Variants in PTPRE observed in about 807,000 individuals in gnomAD.
PTPRE encodes protein tyrosine phosphatase receptor type E.
Under a neutral mutation model 102.0 loss-of-function variants are expected in PTPRE, and 51 were observed. That is an observed-to-expected ratio of 0.50 (90% CI 0.40 to 0.63). The LOEUF (loss-of-function observed/expected upper bound fraction) is 0.63, where lower values mean the gene tolerates loss of function less well. Ranked by LOEUF, PTPRE falls within the 30% of genes least tolerant of loss-of-function variation. The pLI is 0.00. For synonymous variants in PTPRE, 345 were observed against 348.2 expected, an observed-to-expected ratio of 0.99 and a Z score of 0.10; for missense variants, 752 against 915.1, an observed-to-expected ratio of 0.82 and a Z score of 2.30.
intron 2 of PTPRE, among the ~76,000 whole-genome samples, chr10:128,029,583 A>T (rs1846557480): frequency 6.6e-6 from 1 of 152,232 alleles, no homozygotes; most frequent in Admixed American, 6.5e-5. Context: ...GCACTGCTGA[A>T]GGCCCGTGGG....
chr10:128,067,063 CACACGT>C (rs1850200362), intron 11 of PTPRE, among the ~76,000 whole-genome samples: 1 of 151,684 alleles, frequency 6.6e-6, no homozygotes, highest in Non-Finnish European at 1.5e-5. Flanking sequence ...CATGCACATG[CACACGT>C]ACACCCACAC....
intron 1 of PTPRE, among the ~76,000 whole-genome samples, chr10:127,940,418 G>A (rs1848158646): frequency 6.6e-6 from 1 of 152,124 alleles, no homozygotes; most frequent in Non-Finnish European, 1.5e-5. Context: ...CTTCCTGATG[G>A]ACCACACCTG....
At chr10:127,917,552 GTC>G (rs1846297335) in intron 1 of PTPRE, among the ~76,000 whole-genome samples, 1 of 152,158 alleles carries the variant, frequency 6.6e-6, no homozygotes, top group South Asian at 2.1e-4. Flanking sequence ...CATGCCTGTA[GTC>G]CCAGTTGCTC....
intron 1 of PTPRE, among the ~76,000 whole-genome samples, chr10:127,943,634 G>A (rs1274046833): frequency 6.6e-6 from 1 of 152,230 alleles, no homozygotes; most frequent in African/African-American, 2.4e-5. Flanking sequence ...ATGCGCAGGA[G>A]GCTTCCAGGG....
At chr10:127,909,824 C>T (rs1043801219) in intron 1 of PTPRE, among the ~76,000 whole-genome samples, 22 of 152,154 alleles carry the variant, frequency 1.4e-4, no homozygotes, top group African/African-American at 5.1e-4. Flanking sequence ...GTGTCTGTTG[C>T]GTGGATGTTG....
intron 1 of PTPRE, among the ~76,000 whole-genome samples, chr10:127,976,560 G>C (rs188730651): frequency 1.4e-3 from 211 of 152,292 alleles, no homozygotes; most frequent in Middle Eastern, 6.8e-3. Flanking sequence ...TAGAAGTCCT[G>C]CTCGTCTGTC....
At chr10:128,012,248 T>A (rs1845080192) in intron 2 of PTPRE, among the ~76,000 whole-genome samples, 1 of 152,144 alleles carries the variant, frequency 6.6e-6, no homozygotes, top group Admixed American at 6.6e-5. Flanking sequence ...TCCTGGAGCC[T>A]CCCAATGCAA....
intron 1 of PTPRE, among the ~76,000 whole-genome samples, chr10:127,967,292 T>A (rs1229653051): frequency 6.6e-6 from 1 of 152,250 alleles, no homozygotes; most frequent in Non-Finnish European, 1.5e-5. Flanking sequence ...TTGCTATGGT[T>A]TGGCTGTGTC....
intron 1 of PTPRE, among the ~76,000 whole-genome samples, chr10:127,909,534 G>A (rs1453099983): frequency 6.6e-6 from 1 of 152,140 alleles, no homozygotes; most frequent in Non-Finnish European, 1.5e-5. Flanking sequence ...TTCTCCCTGG[G>A]ATATCAAATG....
rs576781633 is a variant in PTPRE, at chr10:128,024,303, C to CTAT, written c.-7-16567_-7-16565dup. Among the ~76,000 whole-genome samples the CTAT allele has an allele frequency of 5.4e-3, 824 of 152,316 alleles. 5 individuals are homozygous for CTAT. The highest frequency in any genetic ancestry group is 8.8e-3 in the Non-Finnish European group (601 of 68,034). ...TCCATTCTGTCTTATTTGGCCCCAG[C>CTAT]TATTATTGTAAGGTTCACTTCTTTA... On this transcript the variant is annotated intron_variant, in intron 2 of 20. Transcript: ENST00000254667.
At chr10:127,955,544 C>T (rs1046057710) in intron 1 of PTPRE, among the ~76,000 whole-genome samples, 3 of 152,144 alleles carry the variant, frequency 2.0e-5, no homozygotes, top group Admixed American at 1.3e-4. Flanking sequence ...TCATTCCTCT[C>T]TTATTCTTTT....
At chr10:127,964,561 C>A (rs1425325080) in intron 1 of PTPRE, among the ~76,000 whole-genome samples, 2 of 138,452 alleles carry the variant, frequency 1.4e-5, no homozygotes, top group African/African-American at 2.8e-5. Context: ...TTCTTAGTTC[C>A]ATTTTTTTTT....
At chr10:128,077,843 CCCGCAGCTGTGGG>C in intron 19 of PTPRE, 60 bp downstream of exon 19, 14 of 1,527,992 alleles carry the variant, frequency 9.2e-6, no homozygotes, top group Non-Finnish European at 1.2e-5. Flanking sequence ...CCCCCCAGTA[CCCGCAGCTGTGGG>C]CAGCAGAGCC....
At chr10:127,915,134 A>G (rs1299141595) in intron 1 of PTPRE, among the ~76,000 whole-genome samples, 1 of 152,266 alleles carries the variant, frequency 6.6e-6, no homozygotes, top group Non-Finnish European at 1.5e-5. Flanking sequence ...TCCAAAGAGA[A>G]TAACACATTT....
At chr10:128,077,818 G>A in intron 19 of PTPRE, 35 bp downstream of exon 19, 1 of 1,560,062 alleles carries the variant, frequency 6.4e-7, no homozygotes, top group Non-Finnish European at 8.7e-7. Context: ...CAGGTGGGGT[G>A]GACACAGGCT....
intron 2 of PTPRE, among the ~76,000 whole-genome samples, chr10:128,032,795 T>C (rs1190909407): frequency 1.3e-5 from 2 of 152,216 alleles, no homozygotes; most frequent in Non-Finnish European, 2.9e-5. Context: ...AGGAAGTCAG[T>C]ACAACTTGTA....
At chr10:128,058,023 A>G (rs1242495434) in intron 7 of PTPRE, among the ~76,000 whole-genome samples, 1 of 152,262 alleles carries the variant, frequency 6.6e-6, no homozygotes, top group Non-Finnish European at 1.5e-5. Flanking sequence ...TTTGCCAACC[A>G]TATGTGTTAA....
intron 2 of PTPRE, among the ~76,000 whole-genome samples, chr10:128,010,258 C>T (rs953266970): frequency 9.2e-5 from 14 of 152,194 alleles, no homozygotes; most frequent in African/African-American, 1.4e-4. Flanking sequence ...TGTACATGAG[C>T]GCCCACACAC....
chr10:128,066,034 A>G, intron 10 of PTPRE, 41 bp from the exon 11 acceptor site: 1 of 1,614,146 alleles, frequency 6.2e-7, no homozygotes, highest in South Asian at 1.1e-5. Context: ...GATGCATTGC[A>G]CCCACAGATC....
Sources: allele counts gnomAD v4.1 joint callset (sites outside exome capture counted in the v4.1 genomes callset), GRCh38; gene constraint gnomAD v4.1.1; transcripts MANE v1.5; gene names NCBI Gene and HGNC (gene_info 2026-07-23, HGNC 2026-07-21).